The following DTNB variants were observed in gnomAD, a reference collection of about 807,000 sequenced individuals.
DTNB encodes DTN-B.
DTNB carries 63 observed loss-of-function variants against 90.7 expected under a neutral mutation model. The ratio of observed to expected loss-of-function variants is 0.69; its 90% CI spans 0.57 to 0.86. The LOEUF (loss-of-function observed/expected upper bound fraction) is 0.86. Ranked by LOEUF, DTNB falls within the 40% of genes least tolerant of loss-of-function variation. DTNB has a pLI of 0.00. For synonymous variants in DTNB, 277 were observed against 286.7 expected, an observed-to-expected ratio of 0.97 and a Z score of 0.34; for missense variants, 744 against 807.1, an observed-to-expected ratio of 0.92 and a Z score of 0.95.
intron 12 of DTNB, among the ~76,000 whole-genome samples, chr2:25,438,858 C>T (rs756712786): frequency 3.5e-4 from 54 of 152,200 alleles, no homozygotes; most frequent in African/African-American, 1.0e-3. Flanking sequence ...CCTCTTGATA[C>T]GCCATGATGA....
At chr2:25,502,051 G>T (rs769621186) in intron 9 of DTNB, among the ~76,000 whole-genome samples, 35 of 152,074 alleles carry the variant, frequency 2.3e-4, no homozygotes, top group Non-Finnish European at 4.3e-4. Context: ...GGGCATGGTG[G>T]TGTACACCTG....
intron 9 of DTNB, among the ~76,000 whole-genome samples, chr2:25,529,313 G>T (rs188617690): frequency 1.3e-5 from 2 of 152,098 alleles, no homozygotes; most frequent in African/African-American, 4.8e-5. Flanking sequence ...TGCAGAAAGC[G>T]AGCGGCTGGG....
intron 16 of DTNB, among the ~76,000 whole-genome samples, chr2:25,418,430 G>A (rs776248067): frequency 6.6e-6 from 1 of 152,182 alleles, no homozygotes; most frequent in African/African-American, 2.4e-5. Flanking sequence ...GCTGGGCGTG[G>A]TGGCTCACGC....
intron 1 of DTNB, among the ~76,000 whole-genome samples, chr2:25,654,214 C>T (rs917482999): frequency 6.6e-6 from 1 of 152,238 alleles, no homozygotes; most frequent in African/African-American, 2.4e-5. Flanking sequence ...TAACTCCCTG[C>T]TCACAAAACA....
At chr2:25,497,178 G>C (rs1429478369) in intron 9 of DTNB, 1 of 152,318 alleles carries the variant, frequency 6.6e-6, no homozygotes, top group Non-Finnish European at 1.5e-5. Context: ...CTCATTAGAA[G>C]GCAAACACAC....
At chr2:25,582,290 C>T (rs946465429) in intron 6 of DTNB, among the ~76,000 whole-genome samples, 3 of 152,136 alleles carry the variant, frequency 2.0e-5, no homozygotes, top group African/African-American at 7.2e-5. Context: ...GACCAACCAC[C>T]GGAACCTCCC....
At chr2:25,484,137 C>T (rs752461035) in intron 9 of DTNB, among the ~76,000 whole-genome samples, 5 of 152,026 alleles carry the variant, frequency 3.3e-5, no homozygotes, top group East Asian at 1.9e-4. Flanking sequence ...ATGAAGCAGG[C>T]GAAACCACCT....
intron 19 of DTNB, among the ~76,000 whole-genome samples, chr2:25,382,013 C>T (rs932654884): frequency 6.6e-6 from 1 of 152,256 alleles, no homozygotes; most frequent in South Asian, 2.1e-4. Context: ...AGTAAGACCA[C>T]TCCACTTCCC....
intron 4 of DTNB, among the ~76,000 whole-genome samples, chr2:25,614,365 T>C (rs1260472746): frequency 3.3e-5 from 5 of 151,980 alleles, no homozygotes. Flanking sequence ...AAAAACACAT[T>C]AGAAGTAAAG....
intron 1 of DTNB, chr2:25,672,812 G>C (rs915546066): frequency 3.3e-5 from 5 of 152,156 alleles, no homozygotes; most frequent in Non-Finnish European, 7.3e-5. Flanking sequence ...CTAATCCCAA[G>C]GCCTGGCACA....
intron 9 of DTNB, among the ~76,000 whole-genome samples, chr2:25,497,957 G>A (rs1164500684): frequency 3.3e-5 from 5 of 151,970 alleles, no homozygotes; most frequent in Non-Finnish European, 5.9e-5. Flanking sequence ...CCTAAGCACC[G>A]CTCTCATCAT....
intron 19 of DTNB, among the ~76,000 whole-genome samples, chr2:25,382,224 TCCC>T (rs977173962): frequency 6.6e-6 from 1 of 152,180 alleles, no homozygotes; most frequent in Non-Finnish European, 1.5e-5. Context: ...TGCATTTCTC[TCCC>T]CGATAAGGTA....
chr2:25,576,880 GC>G lies in DTNB; in HGVS notation c.833del (p.Gly278AlafsTer9). 1 of 1,613,146 alleles carries G rather than the reference GC, an allele frequency of 6.2e-7. No homozygotes were observed. Among genetic ancestry groups the G allele is most frequent in the Non-Finnish European group, 8.5e-7 (1 of 1,179,562 alleles). The stretch of plus-strand genomic sequence containing the variant: ...TCATCTGGTGCTGGTTGCTGTGAGG[GC>G]CGCCGGCATGGCCACGCCAAAAGCA... The part of the protein sequence containing the change: ...QNCFWRGHAG[G>X]PHSNQHQMKE... On this transcript the variant is annotated frameshift_variant, in exon 8 of 21. Coordinates refer to ENST00000406818, the MANE Select transcript of DTNB (RefSeq NM_021907.5). LOFTEE classifies it high-confidence loss of function.
At chr2:25,552,841 A>ATTTTTTT (rs544243784) in intron 8 of DTNB, among the ~76,000 whole-genome samples, 13 of 86,032 alleles carry the variant, frequency 1.5e-4, no homozygotes, top group Admixed American at 3.0e-4. Context: ...TCTCTTTTTG[A>ATTTTTTT]TTTTTTTTTT....
chr2:25,430,531 G>A (rs551934828), intron 14 of DTNB, among the ~76,000 whole-genome samples: 2 of 152,040 alleles, frequency 1.3e-5, no homozygotes, highest in African/African-American at 4.8e-5. Flanking sequence ...GTGGGGGTAG[G>A]GGGTGGAGAG....
intron 9 of DTNB, among the ~76,000 whole-genome samples, chr2:25,512,702 G>A (rs1295111282): frequency 6.6e-6 from 1 of 152,146 alleles, no homozygotes; most frequent in Non-Finnish European, 1.5e-5. Context: ...GATTTAAACT[G>A]GACTCCAGGA....
chr2:25,466,266 C>A (rs1280473279), intron 10 of DTNB, among the ~76,000 whole-genome samples: 1 of 152,176 alleles, frequency 6.6e-6, no homozygotes, highest in East Asian at 1.9e-4. Flanking sequence ...ACCTGGGAGG[C>A]AGAGTTTGCA....
chr2:25,623,391 T>C lies in DTNB; in HGVS notation c.362+4780A>G, dbSNP rs1039158211. Among the ~76,000 whole-genome samples the C allele has an allele frequency of 1.3e-4, 20 of 152,260 alleles. No homozygotes were observed. The South Asian group carries it at 2.3e-3, about 17-fold the overall frequency. On this transcript the variant is annotated intron_variant, in intron 4 of 20. Transcript: ENST00000406818. ...GAAGTATAGAGTAACTTTTTGATGGTACTGGGGACAAGGAGAAAGACATGG... is the reference window on the plus strand; with the variant it reads ...GAAGTATAGAGTAACTTTTTGATGGCACTGGGGACAAGGAGAAAGACATGG...
chr2:25,666,115 T>C (rs898323541), intron 1 of DTNB, among the ~76,000 whole-genome samples: 1 of 152,212 alleles, frequency 6.6e-6, no homozygotes, highest in Non-Finnish European at 1.5e-5. Flanking sequence ...TTTTAACTTA[T>C]ATATAATGTT....
Sources: gnomAD v4.1 joint callset for allele counts (sites outside exome capture counted in the v4.1 genomes callset) on GRCh38, gnomAD v4.1.1 for gene constraint, MANE v1.5 for transcripts, NCBI Gene and HGNC (gene_info 2026-07-23, HGNC 2026-07-21) for gene names.